Variants in SMIM22 observed in about 807,000 individuals in gnomAD.
SMIM22 encodes cancer associated small integral membrane open reading frame 1.
Under a neutral mutation model 8.4 loss-of-function variants are expected in SMIM22, and 16 were observed. That is an observed-to-expected ratio of 1.90 (90% CI 1.29 to 2.89). The LOEUF (loss-of-function observed/expected upper bound fraction) is 2.89. Among genes scored for constraint, SMIM22 ranks in the 30% most tolerant of loss-of-function variants. The pLI, the probability that SMIM22 is intolerant of heterozygous loss-of-function variation, is 0.00. For synonymous variants in SMIM22, 67 were observed against 47.6 expected (o/e 1.41, Z -1.68); for missense variants, 159 against 107.5 (o/e 1.48, Z -2.12).
intron 2 of SMIM22, among the ~76,000 whole-genome samples, chr16:4,789,085 C>T (rs1317178159): frequency 6.6e-6 from 1 of 152,220 alleles, no homozygotes; most frequent in African/African-American, 2.4e-5. Flanking sequence ...GTGGCGCGAT[C>T]TCGGCTCACT....
rs1201724453 is a variant in SMIM22, at chr16:4,795,863, G to C, written c.124+5G>C. Reference sequence around the variant, plus strand: ...TTGTTTTCCTCACCTTCATGGGTAAGTGTGGCTGTGGCCTCTGGGTCCTCC... The same window carrying C: ...TTGTTTTCCTCACCTTCATGGGTAACTGTGGCTGTGGCCTCTGGGTCCTCC... On this transcript the variant is annotated splice_donor_5th_base_variant and intron_variant, in intron 2 of 3. Transcript: ENST00000586005. The C allele has an allele frequency of 3.9e-6, 6 of 1,535,680 alleles. No individual in the cohort carries two copies. Among genetic ancestry groups the C allele is most frequent in the East Asian group, 2.4e-5 (1 of 40,918 alleles).
At chr16:4,793,510 G>A (rs942883707), upstream of SMIM22, among the ~76,000 whole-genome samples, 16 of 152,168 alleles carry the variant, frequency 1.1e-4, no homozygotes, top group African/African-American at 3.6e-4. Context: ...AATAAACCAG[G>A]TGACACAGCA....
At chr16:4,792,787 G>A (rs1165061442), upstream of SMIM22, among the ~76,000 whole-genome samples, 1 of 143,032 alleles carries the variant, frequency 7.0e-6, no homozygotes, top group Non-Finnish European at 1.5e-5. Context: ...GCCAGCCTGG[G>A]TGACAGCAAG....
Position 4,796,006 on chromosome 16 carries a change from C to T in SMIM22, c.183C>T (p.Pro61=), listed in dbSNP as rs988305616. The change falls in exon 3 of 4, where the codon CCC becomes CCT. Residue 61 remains proline (P), a synonymous_variant. Transcript: ENST00000586005. ...VVAHCCCCSS[P]GPRRESPRKV... ...CCCACTGCTGCTGCTGCAGCTCCCC[C>T]GGGCCCCGCAGGGAAAGCCCCAGGA... 1.1e-4 allele frequency: 165 copies of T among 1,512,090 alleles called. No individual in the cohort carries two copies. The highest frequency in any genetic ancestry group is 1.4e-4 in the Non-Finnish European group (156 of 1,134,912). The allele number at this position is 1,512,090 out of a possible 1,614,324, so 93.7% of individuals were successfully genotyped here.
upstream of SMIM22, among the ~76,000 whole-genome samples, chr16:4,794,264 T>C (rs1347015716): frequency 4.7e-5 from 7 of 148,126 alleles, no homozygotes; most frequent in Non-Finnish European, 8.9e-5. Context: ...CGTGCCACCA[T>C]GGCCGGCTAA....
At chr16:4,788,801 G>C (rs931881365) in intron 2 of SMIM22, 3 of 152,202 alleles carry the variant, frequency 2.0e-5, no homozygotes, top group African/African-American at 7.2e-5. Context: ...CAAGCTGATA[G>C]ATAAGAGAGG....
upstream of SMIM22, among the ~76,000 whole-genome samples, chr16:4,790,720 T>A (rs1182476128): frequency 6.6e-6 from 1 of 151,888 alleles, no homozygotes; most frequent in African/African-American, 2.4e-5. Context: ...ACCGAGGAGG[T>A]GGAGGTTGCA....
At chr16:4,791,505 T>C (rs1015139147), upstream of SMIM22, among the ~76,000 whole-genome samples, 2 of 152,026 alleles carry the variant, frequency 1.3e-5, no homozygotes, top group African/African-American at 4.8e-5. Flanking sequence ...ACATACCCAT[T>C]TTACAGATGA....
At chr16:4,793,114 A>T (rs1274728803), upstream of SMIM22, among the ~76,000 whole-genome samples, 2 of 151,144 alleles carry the variant, frequency 1.3e-5, no homozygotes, top group Non-Finnish European at 3.0e-5. Flanking sequence ...TGTCTCAAAA[A>T]AAAAAAAAAA....
chr16:4,792,585 A>G (rs2082568921), upstream of SMIM22, among the ~76,000 whole-genome samples: 1 of 150,438 alleles, frequency 6.6e-6, no homozygotes, highest in African/African-American at 2.4e-5. Context: ...GCGGATTGCT[A>G]GAGCTCAGGA....
Position 4,796,203 on chromosome 16 carries a change from G to A in SMIM22, c.239G>A (p.Gly80Glu). 1 of 1,536,026 alleles carries A rather than the reference G, an allele frequency of 6.5e-7. No individual in the cohort carries two copies. The highest frequency in any genetic ancestry group is 8.7e-7 in the Non-Finnish European group (1 of 1,146,872). The change falls in exon 4 of 4, where the codon GGA (glycine) becomes GAA (glutamate). Residue 80 changes from glycine to glutamate, a missense_variant. By Grantham distance (98) the Gly-to-Glu change is moderately conservative (BLOSUM62 -2). Transcript: ENST00000586005. ...KVSPWKERPK[G>E]VDNLALEP ...CTTCTCGTGCAGGAAAGACCCAAGG[G>A]AGTGGATAACTTGGCCCTGGAACCC...
chr16:4,794,489 C>T (rs1365512931), upstream of SMIM22, among the ~76,000 whole-genome samples: 2 of 150,332 alleles, frequency 1.3e-5, no homozygotes, highest in South Asian at 2.1e-4. Context: ...GGCGTGATCT[C>T]GGCTCACCAC....
chr16:4,792,248 T>C (rs997124577), upstream of SMIM22, among the ~76,000 whole-genome samples: 4 of 151,278 alleles, frequency 2.6e-5, no homozygotes, highest in East Asian at 2.0e-4. Context: ...TGGAGTGCAG[T>C]GGCGTGATCT....
At chr16:4,792,337 C>A (rs1449433276), upstream of SMIM22, among the ~76,000 whole-genome samples, 1 of 150,754 alleles carries the variant, frequency 6.6e-6, no homozygotes, top group Non-Finnish European at 1.5e-5. Context: ...ACTACAGGTG[C>A]CCGCCACCAC....
upstream of SMIM22, among the ~76,000 whole-genome samples, chr16:4,792,576 C>A (rs749505495): frequency 2.0e-4 from 30 of 149,766 alleles, 1 homozygote; most frequent in Non-Finnish European, 4.0e-4. Flanking sequence ...CTGAGGGGGG[C>A]GGATTGCTAG....
In SMIM22 at chr16:4,796,359, G is replaced by C; in HGVS notation, c.*128G>C. ...CGCCGCCCCACTCAGGTGGCCACCT[G>C]GCCTCTCCAAGCCTTCAGTCAGCAC... On this transcript the variant is annotated 3_prime_UTR_variant, in exon 4 of 4. Coordinates refer to ENST00000586005, the MANE Select transcript of SMIM22 (RefSeq NM_001253794.2). 9.0e-7 allele frequency: 1 copy of C among 1,108,544 alleles called. No homozygotes were observed. Among genetic ancestry groups the C allele is most frequent in the South Asian group, 1.5e-5 (1 of 65,790 alleles). The allele number at this position is 1,108,544 out of a possible 1,614,324, so 68.7% of individuals were successfully genotyped here.
At position 4,795,785 on chromosome 16, in the gene SMIM22, G is replaced by T; in HGVS notation, c.51G>T (p.Gly17=). 1.3e-6 allele frequency: 2 copies of T among 1,535,958 alleles called. No individual in the cohort carries two copies. The highest frequency in any genetic ancestry group is 1.2e-5 in the South Asian group (1 of 84,062). The part of the protein sequence containing the change: ...ELEATVQEVL[G]RLKSHQFFQS... ...AGGCCACGGTTCAGGAAGTCCTGGG[G>T]AGACTGAAGAGCCACCAGTTTTTCC... is the stretch of plus-strand genomic sequence containing the variant. The change falls in exon 2 of 4, where the codon GGG becomes GGT. Residue 17 remains glycine (G), a synonymous_variant. Coordinates refer to ENST00000586005, the MANE Select transcript of SMIM22 (RefSeq NM_001253794.2).
chr16:4,790,296 A>G (rs1176620557), intron 2 of SMIM22, among the ~76,000 whole-genome samples: 2 of 152,164 alleles, frequency 1.3e-5, no homozygotes, highest in Non-Finnish European at 2.9e-5. Flanking sequence ...TTGCAGTGAG[A>G]AAGTCGCCAC....
upstream of SMIM22, among the ~76,000 whole-genome samples, chr16:4,794,096 G>A (rs541828130): frequency 2.4e-4 from 35 of 148,024 alleles, no homozygotes; most frequent in East Asian, 3.8e-3. Context: ...CCACCACAGC[G>A]GGGTAATTTT....
Sources: gnomAD v4.1 joint callset for allele counts (sites outside exome capture counted in the v4.1 genomes callset) on GRCh38, gnomAD v4.1.1 for gene constraint, MANE v1.5 for transcripts, NCBI Gene and HGNC (gene_info 2026-07-23, HGNC 2026-07-21) for gene names.